The following CORIN variants were observed in gnomAD, a reference collection of about 807,000 sequenced individuals.
CORIN encodes the protein corin, serine peptidase.
In CORIN, 117 loss-of-function variants were observed where a neutral mutation model predicts 125.3. The ratio of observed to expected loss-of-function variants is 0.93; its 90% CI spans 0.80 to 1.09. The LOEUF is 1.09. Among genes scored for constraint, CORIN ranks in the 50% least tolerant of loss-of-function variants. CORIN has a pLI of 0.00. For missense variants in CORIN, 1,253 were observed against 1,306.7 expected (o/e 0.96, Z 0.63); for synonymous variants, 450 against 466.4 (o/e 0.96, Z 0.45).
At chr4:47,760,773 C>T (rs1729411302) in intron 4 of CORIN, among the ~76,000 whole-genome samples, 1 of 152,170 alleles carries the variant, frequency 6.6e-6, no homozygotes, top group South Asian at 2.1e-4. Flanking sequence ...AGCTGTTTTG[C>T]CTAAACTGAA....
chr4:47,816,154 A>G (rs1332021835), intron 1 of CORIN, among the ~76,000 whole-genome samples: 3 of 152,228 alleles, frequency 2.0e-5, no homozygotes, highest in African/African-American at 7.2e-5. Flanking sequence ...TAAAACATAA[A>G]CAGATGTTGA....
chr4:47,730,942 C>A (rs1727848704), intron 5 of CORIN, among the ~76,000 whole-genome samples: 1 of 152,180 alleles, frequency 6.6e-6, no homozygotes, highest in African/African-American at 2.4e-5. Context: ...AGCAAGGAAG[C>A]CAATAATGAG....
intron 15 of CORIN, 44 bp from the exon 16 acceptor site, chr4:47,642,093 C>G: frequency 6.3e-7 from 1 of 1,595,972 alleles, no homozygotes; most frequent in Non-Finnish European, 8.5e-7. Flanking sequence ...AAAAACATTT[C>G]TTCCCATGAA....
intron 5 of CORIN, among the ~76,000 whole-genome samples, chr4:47,697,942 C>G (rs768574747): frequency 6.6e-6 from 1 of 151,894 alleles, no homozygotes; most frequent in Non-Finnish European, 1.5e-5. Flanking sequence ...ATAACACACG[C>G]CTTCCTCCAT....
intron 8 of CORIN, 133 bp from the exon 9 acceptor site, chr4:47,678,187 A>C: frequency 1.5e-6 from 1 of 661,894 alleles, no homozygotes. Context: ...TGAACATATC[A>C]TTGATTTTAT....
At chr4:47,705,075 C>T (rs1726488455) in intron 5 of CORIN, among the ~76,000 whole-genome samples, 1 of 152,184 alleles carries the variant, frequency 6.6e-6, no homozygotes, top group Non-Finnish European at 1.5e-5. Context: ...ATAATGAAAT[C>T]CCACTTCTAC....
rs1035392642 is a variant in CORIN at position 47,597,969 on chromosome 4, G to C, written c.2947-2066C>G. 1.2e-4 allele frequency among the ~76,000 whole-genome samples: 19 copies of C among 152,258 alleles called. 1 individual carries two copies. Among genetic ancestry groups the C allele is most frequent in the Admixed American group, 1.0e-3 (16 of 15,286 alleles). On this transcript the variant is annotated intron_variant, in intron 21 of 21. Coordinates refer to ENST00000273857, the MANE Select transcript of CORIN (RefSeq NM_006587.4). ...TGAGTGATGACTTCCAGGTGGAGAGGAATAAAAAATGCCTTCCTGAGATGT... is the reference window on the plus strand; with the variant it reads ...TGAGTGATGACTTCCAGGTGGAGAGCAATAAAAAATGCCTTCCTGAGATGT...
chr4:47,621,915 T>A (rs35769377), intron 19 of CORIN, among the ~76,000 whole-genome samples: 1 of 145,894 alleles, frequency 6.9e-6, no homozygotes, highest in African/African-American at 2.5e-5. Context: ...TAGTTACATA[T>A]GTATACATGT....
chr4:47,771,782 A>C (rs1234708266), intron 3 of CORIN, among the ~76,000 whole-genome samples: 7 of 152,224 alleles, frequency 4.6e-5, no homozygotes, highest in Admixed American at 4.6e-4. Context: ...ATCAGGAAAC[A>C]AAAGATGCAT....
At chr4:47,776,077 T>C (rs556569722) in intron 3 of CORIN, among the ~76,000 whole-genome samples, 2 of 151,086 alleles carry the variant, frequency 1.3e-5, no homozygotes, top group South Asian at 2.1e-4. Context: ...TGGAGTGCAA[T>C]GGCAAGATCT....
rs961185996 is a variant in CORIN at position 47,658,677 on chromosome 4, G to A, written c.1735+3034C>T. ...CCATTCAGTCCTCCTAGGCCTTAGG[G>A]TCTGTGATGGGAGGGGCTGCCTGGG... On this transcript the variant is annotated intron_variant, in intron 12 of 21. Coordinates refer to ENST00000273857, the MANE Select transcript of CORIN (RefSeq NM_006587.4). 3.3e-5 allele frequency among the ~76,000 whole-genome samples: 5 copies of A among 152,374 alleles called. 1 individual carries two copies. The South Asian group carries it at 6.2e-4, about 19-fold the overall frequency.
At chr4:47,718,750 A>C (rs1347331271) in intron 5 of CORIN, among the ~76,000 whole-genome samples, 1 of 152,152 alleles carries the variant, frequency 6.6e-6, no homozygotes, top group Non-Finnish European at 1.5e-5. Context: ...CCTGTTTCCT[A>C]GTCAACACTA....
intron 5 of CORIN, among the ~76,000 whole-genome samples, chr4:47,700,046 G>A (rs1392416505): frequency 1.3e-5 from 2 of 152,174 alleles, no homozygotes; most frequent in Non-Finnish European, 2.9e-5. Context: ...CAACCAAAGA[G>A]CTCTACTGTT....
chr4:47,776,506 G>A (rs1730311708), intron 3 of CORIN, among the ~76,000 whole-genome samples: 1 of 152,128 alleles, frequency 6.6e-6, no homozygotes. Flanking sequence ...ATATTATATG[G>A]TAACATAGTT....
rs568476346 is a variant in CORIN, at chr4:47,595,516, T to C, written c.*205A>G. 1.6e-4 allele frequency: 64 copies of C among 392,942 alleles called. No homozygotes were observed. The highest frequency in any genetic ancestry group is 1.3e-3 in the African/African-American group (62 of 48,554). The allele number at this position is 392,942 out of a possible 1,614,324, so 24.3% of individuals were successfully genotyped here. A position where few individuals can be genotyped will look rare whatever the true frequency, so the allele number is the denominator to read the frequency against. ...TGTTTGCTTTTGTAAAGTCTTTCATTGAACTTGAAATAAGAGAAAAATGAA... is the reference window on the plus strand; with the variant it reads ...TGTTTGCTTTTGTAAAGTCTTTCATCGAACTTGAAATAAGAGAAAAATGAA... On this transcript the variant is annotated 3_prime_UTR_variant, in exon 22 of 22. Transcript: ENST00000273857.
intron 14 of CORIN, among the ~76,000 whole-genome samples, chr4:47,643,526 T>C (rs762492828): frequency 6.6e-6 from 1 of 152,136 alleles, no homozygotes; most frequent in Non-Finnish European, 1.5e-5. Context: ...TAAACAGTAC[T>C]CACAGCCGCA....
intron 15 of CORIN, among the ~76,000 whole-genome samples, chr4:47,642,379 C>A (rs561840537): frequency 1.3e-5 from 2 of 152,180 alleles, no homozygotes; most frequent in African/African-American, 4.8e-5. Flanking sequence ...TTACAAGAAG[C>A]GAGTTGTAAA....
At chr4:47,610,499 C>A (rs555666771) in intron 19 of CORIN, among the ~76,000 whole-genome samples, 28 of 151,746 alleles carry the variant, frequency 1.8e-4, no homozygotes, top group African/African-American at 6.3e-4. Context: ...AGATACTAAA[C>A]CTTTGTCAGA....
chr4:47,614,865 T>A (rs1198086930), intron 19 of CORIN, among the ~76,000 whole-genome samples: 1 of 152,126 alleles, frequency 6.6e-6, no homozygotes, highest in Non-Finnish European at 1.5e-5. Flanking sequence ...AGAGTTTTCA[T>A]TCCACTAAAC....
Sources: allele counts gnomAD v4.1 joint callset (sites outside exome capture counted in the v4.1 genomes callset), GRCh38; gene constraint gnomAD v4.1.1; transcripts MANE v1.5; gene names NCBI Gene and HGNC (gene_info 2026-07-23, HGNC 2026-07-21).